The following SHISAL1 variants were observed in gnomAD, a reference collection of about 807,000 sequenced individuals.
SHISAL1 encodes protein shisa-like-1.
Under a neutral mutation model 22.6 loss-of-function variants are expected in SHISAL1, and 9 were observed. That is an observed-to-expected ratio of 0.40 (90% CI 0.24 to 0.70). The LOEUF is 0.70. Among genes scored for constraint, SHISAL1 ranks in the 30% least tolerant of loss-of-function variants. SHISAL1 has a pLI of 0.39. For synonymous variants in SHISAL1, 119 were observed against 115.4 expected, an observed-to-expected ratio of 1.03 and a Z score of -0.20; for missense variants, 246 against 270.6, an observed-to-expected ratio of 0.91 and a Z score of 0.64.
At chr22:44,325,784 C>T in the SHISAL1 span, among the ~76,000 whole-genome samples, 7 of 151,942 alleles carry the variant, frequency 4.6e-5, 1 homozygote, top group Non-Finnish European at 1.5e-5. Flanking sequence ...CACAAAGGAA[C>T]CTTCATAACG....
the SHISAL1 span, among the ~76,000 whole-genome samples, chr22:44,322,803 C>T: frequency 6.6e-6 from 1 of 152,224 alleles, no homozygotes. Context: ...AGCTACACAA[C>T]GCATCCCACC....
chr22:44,270,914 C>T (rs1387254496), intron 4 of SHISAL1, among the ~76,000 whole-genome samples: 1 of 152,152 alleles, frequency 6.6e-6, no homozygotes, highest in Non-Finnish European at 1.5e-5. Context: ...ACAGTATCTC[C>T]TTCTTCTTGT....
chr22:44,257,660 C>T (rs1356263476), intron 4 of SHISAL1, among the ~76,000 whole-genome samples: 3 of 152,192 alleles, frequency 2.0e-5, no homozygotes, highest in African/African-American at 7.2e-5. Context: ...GCCATCAAAT[C>T]AGCCAAACTT....
At position 44,284,909 on chromosome 22, in the gene SHISAL1, T is replaced by G. The variant is rs6006723; in HGVS notation, c.599+519A>C. Reference sequence around the variant, plus strand: ...TCTCTGCCTTCCTGCCTTCCTTCCTTCCTTCCTTCCTTCCTTCCTTCCTTC... The same window carrying G: ...TCTCTGCCTTCCTGCCTTCCTTCCTGCCTTCCTTCCTTCCTTCCTTCCTTC... On this transcript the variant is annotated intron_variant, in intron 4 of 4. Transcript: ENST00000381176. Among the ~76,000 whole-genome samples, 80 of 89,350 alleles carry G rather than the reference T, an allele frequency of 9.0e-4. 1 individual carries two copies. The South Asian group carries it at 0.015, about 17-fold the overall frequency. 58.6% of individuals were successfully genotyped at this position (89,350 alleles called of 152,430 possible).
At chr22:44,255,618 CTG>C (rs1491212276) in intron 4 of SHISAL1, among the ~76,000 whole-genome samples, 6 of 152,230 alleles carry the variant, frequency 3.9e-5, no homozygotes, top group African/African-American at 1.4e-4. Flanking sequence ...GCAGTGGTGT[CTG>C]CGCTGGTCAG....
chr22:44,284,818 A>G (rs1424493299), intron 4 of SHISAL1, among the ~76,000 whole-genome samples: 1 of 152,120 alleles, frequency 6.6e-6, no homozygotes, highest in African/African-American at 2.4e-5. Context: ...ATTGCAGTAG[A>G]CAAGCTCAGA....
chr22:44,288,323 C>G (rs554164637), intron 3 of SHISAL1, among the ~76,000 whole-genome samples: 58 of 152,308 alleles, frequency 3.8e-4, no homozygotes, highest in Non-Finnish European at 7.9e-4. Context: ...GCTGCGGCCA[C>G]CCGGGTTCTC....
intron 1 of SHISAL1, among the ~76,000 whole-genome samples, chr22:44,303,097 C>T (rs959754897): frequency 3.9e-5 from 6 of 152,132 alleles, no homozygotes; most frequent in South Asian, 2.1e-4. Context: ...GTAACAGCGT[C>T]GTCCTCCCAG....
chr22:44,268,217 C>T (rs183949830), intron 4 of SHISAL1, among the ~76,000 whole-genome samples: 12 of 152,330 alleles, frequency 7.9e-5, no homozygotes, highest in Non-Finnish European at 1.5e-4. Flanking sequence ...AGGCATTAGA[C>T]ATTAAATGCC....
At chr22:44,256,286 C>T (rs532267876) in intron 4 of SHISAL1, among the ~76,000 whole-genome samples, 218 of 147,786 alleles carry the variant, frequency 1.5e-3, no homozygotes, top group Admixed American at 2.2e-3. Flanking sequence ...GTGGAACTCA[C>T]ACCATTGGCT....
chr22:44,323,355 C>T, the SHISAL1 span, among the ~76,000 whole-genome samples: 1 of 144,042 alleles, frequency 6.9e-6, no homozygotes, highest in South Asian at 2.4e-4. Flanking sequence ...TTCATCCATC[C>T]ATGCATCCAT....
intron 4 of SHISAL1, among the ~76,000 whole-genome samples, chr22:44,281,805 C>A (rs2055278635): frequency 6.6e-6 from 1 of 152,142 alleles, no homozygotes; most frequent in South Asian, 2.1e-4. Flanking sequence ...GAGGGAAAGC[C>A]CCGCTTCTCC....
At chr22:44,296,543 G>A in intron 3 of SHISAL1, 129 bp downstream of exon 3, 1 of 737,136 alleles carries the variant, frequency 1.4e-6, no homozygotes, top group Non-Finnish European at 2.3e-6. Flanking sequence ...GACTCTCCCA[G>A]ACTCCTTCCA....
At chr22:44,273,561 CTT>C (rs1266164662) in intron 4 of SHISAL1, among the ~76,000 whole-genome samples, 2 of 152,238 alleles carry the variant, frequency 1.3e-5, no homozygotes, top group African/African-American at 4.8e-5. Flanking sequence ...CCTAAACTCT[CTT>C]GAGCCAGTGT....
Position 44,285,487 on chromosome 22 carries a change from G to A in SHISAL1, c.540C>T (p.His180=), listed in dbSNP as rs1371322891. The change falls in exon 4 of 5, where the codon CAC becomes CAT. Residue 180 remains histidine (H), a synonymous_variant. Transcript: ENST00000381176. ...GPLPQAPQAV[H]TLRGDAHSPP... is the part of the protein sequence containing the mutation. ...GGCTGTGAGCATCTCCCCGCAATGT[G>A]TGCACGGCCTGTGGGGCTTGTGGCA... 2.5e-6 allele frequency: 4 copies of A among 1,614,062 alleles called. No homozygotes were observed. The East Asian group carries it at 6.7e-5, about 27-fold the overall frequency.
At chr22:44,301,918 G>C (rs1462550052) in intron 1 of SHISAL1, among the ~76,000 whole-genome samples, 1 of 152,166 alleles carries the variant, frequency 6.6e-6, no homozygotes, top group East Asian at 1.9e-4. Flanking sequence ...TGGGGGAGGG[G>C]GATGGGGAGT....
At chr22:44,321,477 C>T in the SHISAL1 span, among the ~76,000 whole-genome samples, 6 of 124,620 alleles carry the variant, frequency 4.8e-5, no homozygotes, top group Admixed American at 2.9e-4. Flanking sequence ...AGCCCCTTTC[C>T]TACTGGCAGA....
At chr22:44,316,531 T>C (rs893661782), upstream of SHISAL1, among the ~76,000 whole-genome samples, 1 of 152,078 alleles carries the variant, frequency 6.6e-6, no homozygotes, top group Non-Finnish European at 1.5e-5. Context: ...TCTGCAGTTA[T>C]AGACAAAAAA....
chr22:44,288,855 G>A (rs982614626), intron 3 of SHISAL1, among the ~76,000 whole-genome samples: 3 of 152,198 alleles, frequency 2.0e-5, no homozygotes, highest in Non-Finnish European at 4.4e-5. Flanking sequence ...AAAGCCACTG[G>A]ATTTCCCAGA....
Sources: allele counts gnomAD v4.1 joint callset (sites outside exome capture counted in the v4.1 genomes callset), GRCh38; gene constraint gnomAD v4.1.1; transcripts MANE v1.5; gene names NCBI Gene and HGNC (gene_info 2026-07-23, HGNC 2026-07-21).